UCHL1: variants seen among roughly 807,000 people sequenced by gnomAD.
UCHL1 encodes ubiquitin C-terminal hydrolase L1, also known as ubiquitin carboxyl-terminal hydrolase isozyme L1.
A neutral mutation model predicts 33.3 loss-of-function variants in UCHL1; 5 were observed. That is an observed-to-expected ratio of 0.15 (90% CI 0.08 to 0.32). UCHL1 has a LOEUF of 0.32. Among genes scored for constraint, UCHL1 ranks in the 10% least tolerant of loss-of-function variants. The pLI is 1.00. For missense variants in UCHL1, 236 were observed against 280.0 expected (o/e 0.84, Z 1.12); for synonymous variants, 132 against 108.8 (o/e 1.21, Z -1.33).
chr4:41,264,088 GCTT>G lies in UCHL1; in HGVS notation c.527-11_527-9del. On this transcript the variant is annotated splice_polypyrimidine_tract_variant and intron_variant, in intron 7 of 8. Transcript: ENST00000284440. ...CATGCAGAGAAAATTGACATGCCTGGCTTCTTTGTTACAGATGGACGAATGCCT... is the reference window on the plus strand; with the variant it reads ...CATGCAGAGAAAATTGACATGCCTGGCTTTGTTACAGATGGACGAATGCCT... 1 of 1,614,210 alleles carries G rather than the reference GCTT, an allele frequency of 6.2e-7. No homozygotes were observed. Among genetic ancestry groups the G allele is most frequent in the Non-Finnish European group, 8.5e-7 (1 of 1,180,022 alleles).
chr4:41,261,196 T>G (rs1781063223), intron 4 of UCHL1, among the ~76,000 whole-genome samples: 1 of 152,208 alleles, frequency 6.6e-6, no homozygotes, highest in Non-Finnish European at 1.5e-5. Context: ...TATTTTTCTA[T>G]CTGAATAACC....
chr4:41,261,278 G>A (rs1183439127), intron 4 of UCHL1, among the ~76,000 whole-genome samples: 2 of 152,162 alleles, frequency 1.3e-5, no homozygotes, highest in African/African-American at 4.8e-5. Context: ...CATGATTATA[G>A]CGTCATGTAT....
chr4:41,268,192 C>A lies in UCHL1; in HGVS notation c.*119C>A. 4 of 971,822 alleles carry A rather than the reference C, an allele frequency of 4.1e-6. No individual in the cohort carries two copies. The highest frequency in any genetic ancestry group is 4.8e-6 in the Non-Finnish European group (3 of 628,182). 60.2% of individuals were successfully genotyped at this position (971,822 alleles called of 1,614,324 possible). A position where few individuals can be genotyped will look rare whatever the true frequency, so the allele number is the denominator to read the frequency against. The stretch of plus-strand genomic sequence containing the variant: ...GAAACACAGCTGTTCTTCTGTTCTG[C>A]AGACACGCCTTCCCCTCAGCCACAC... On this transcript the variant is annotated 3_prime_UTR_variant, in exon 9 of 9. Coordinates refer to ENST00000284440, the MANE Select transcript of UCHL1 (RefSeq NM_004181.5).
At chr4:41,257,556 G>C in intron 2 of UCHL1, 53 bp from the exon 3 acceptor site, 8 of 1,450,676 alleles carry the variant, frequency 5.5e-6, no homozygotes, top group Non-Finnish European at 5.4e-6. Flanking sequence ...CCTGGCAGGT[G>C]CCCGCGACCC....
At chr4:41,266,106 C>T (rs909749157) in intron 8 of UCHL1, among the ~76,000 whole-genome samples, 5 of 151,594 alleles carry the variant, frequency 3.3e-5, no homozygotes, top group African/African-American at 9.7e-5. Context: ...AGAGATGGGG[C>T]GGGGAGGGAC....
intron 3 of UCHL1, 47 bp downstream of exon 3, chr4:41,257,784 G>T: frequency 6.5e-7 from 1 of 1,534,184 alleles, no homozygotes. Context: ...AGTGCACGCC[G>T]CTCCCCAGCT....
chr4:41,261,837 C>CTA (rs781480182), intron 5 of UCHL1, 37 bp downstream of exon 5: 2 of 1,613,956 alleles, frequency 1.2e-6, no homozygotes, highest in East Asian at 2.2e-5. Context: ...TTAAATAACT[C>CTA]TAGAGATTTT....
intron 8 of UCHL1, chr4:41,264,471 A>T: frequency 4.5e-6 from 2 of 444,848 alleles, no homozygotes; most frequent in Non-Finnish European, 8.3e-6. Flanking sequence ...CTCCCATCAG[A>T]TTACATCATA....
chr4:41,261,777 G>A lies in UCHL1; in HGVS notation c.388G>A (p.Ala130Thr), dbSNP rs758414333. Residue 130 changes from alanine to threonine, a missense_variant, in exon 5 of 9, where the codon GCA becomes ACA. By Grantham distance (58) the Ala-to-Thr change is moderately conservative. Transcript: ENST00000284440. ...ETEKMSPEDR[A>T]KCFEKNEAIQ... ...AGAGAAAATGTCCCCTGAAGACAGA[G>A]CAAAATGCTTTGAAAAGAATGAGGT... 5 of 1,613,976 alleles carry A rather than the reference G, an allele frequency of 3.1e-6. No homozygotes were observed. In the South Asian group the frequency reaches 5.5e-5, roughly 18 times the overall value.
chr4:41,263,996 T>G lies in UCHL1; in HGVS notation c.527-107T>G, dbSNP rs1781114973. On this transcript the variant is annotated intron_variant, in intron 7 of 8. Coordinates refer to ENST00000284440, the MANE Select transcript of UCHL1 (RefSeq NM_004181.5). ...TCATAACCAGGCTTCCTTCTGTGGG[T>G]TTGGCAGTGGTTTTTGGAAGAATCT... The G allele has an allele frequency of 2.8e-6, 4 of 1,436,158 alleles. No homozygotes were observed. The South Asian group carries it at 4.6e-5, about 16-fold the overall frequency. The allele number at this position is 1,436,158 out of a possible 1,614,324, so 89.0% of individuals were successfully genotyped here. A position where few individuals can be genotyped will look rare whatever the true frequency, so the allele number is the denominator to read the frequency against.
At chr4:41,261,997 T>G in intron 6 of UCHL1, 74 bp downstream of exon 6, 1 of 1,578,122 alleles carries the variant, frequency 6.3e-7, no homozygotes, top group Non-Finnish European at 8.6e-7. Context: ...TGCAGGAATC[T>G]CTTACTGGAA....
intron 3 of UCHL1, among the ~76,000 whole-genome samples, chr4:41,259,438 A>G (rs1236693691): frequency 6.6e-6 from 1 of 152,244 alleles, no homozygotes; most frequent in Non-Finnish European, 1.5e-5. Flanking sequence ...AGAAAATGAA[A>G]AACACTTACT....
chr4:41,267,752 A>G (rs1781177088), intron 8 of UCHL1, among the ~76,000 whole-genome samples: 1 of 152,158 alleles, frequency 6.6e-6, no homozygotes, highest in South Asian at 2.1e-4. Flanking sequence ...AAAACCAGGT[A>G]CAAAGTGAGA....
chr4:41,260,943 T>A, intron 4 of UCHL1, 146 bp downstream of exon 4: 1 of 1,225,838 alleles, frequency 8.2e-7, no homozygotes, highest in Non-Finnish European at 1.2e-6. Flanking sequence ...TGACTCACAG[T>A]CCTCCTCAGA....
At chr4:41,263,105 T>C in intron 6 of UCHL1, 120 bp from the exon 7 acceptor site, 2 of 787,800 alleles carry the variant, frequency 2.5e-6, no homozygotes, top group South Asian at 2.9e-5. Context: ...AAGACATACA[T>C]TAAATATTAG....
At chr4:41,259,934 G>A (rs771312592) in intron 3 of UCHL1, among the ~76,000 whole-genome samples, 11 of 152,148 alleles carry the variant, frequency 7.2e-5, no homozygotes, top group Non-Finnish European at 1.3e-4. Flanking sequence ...GAGGAAATCC[G>A]TTTCCTAGTC....
intron 3 of UCHL1, among the ~76,000 whole-genome samples, chr4:41,259,549 C>T (rs1351436591): frequency 1.3e-5 from 2 of 152,152 alleles, no homozygotes; most frequent in African/African-American, 2.4e-5. Context: ...TCTTACTCTT[C>T]TATTAGTACC....
intron 3 of UCHL1, among the ~76,000 whole-genome samples, chr4:41,259,178 A>G (rs1781031502): frequency 6.6e-6 from 1 of 152,250 alleles, no homozygotes; most frequent in South Asian, 2.1e-4. Flanking sequence ...TGCTACACAG[A>G]ATGCCTACTG....
At chr4:41,264,298 T>C in intron 8 of UCHL1, 137 bp downstream of exon 8, 2 of 1,084,648 alleles carry the variant, frequency 1.8e-6, no homozygotes, top group Non-Finnish European at 2.8e-6. Context: ...GGCTGCAAGA[T>C]CCTCTTAGTA....
Sources: gnomAD v4.1 joint callset for allele counts (sites outside exome capture counted in the v4.1 genomes callset) on GRCh38, gnomAD v4.1.1 for gene constraint, MANE v1.5 for transcripts, NCBI Gene and HGNC (gene_info 2026-07-23, HGNC 2026-07-21) for gene names.